The following FOXP1 variants were observed in gnomAD, a reference collection of about 807,000 sequenced individuals.
FOXP1 encodes the protein forkhead box protein P1.
In FOXP1, 15 loss-of-function variants were observed where a neutral mutation model predicts 98.2. That is an observed-to-expected ratio of 0.15 (90% CI 0.10 to 0.24). The LOEUF (loss-of-function observed/expected upper bound fraction) is 0.24. Among genes scored for constraint, FOXP1 ranks in the 10% least tolerant of loss-of-function variants. The probability of loss-of-function intolerance (pLI) is 1.00; values close to 1 mark genes in which losing one functional copy is unlikely to be tolerated. For missense variants in FOXP1, 633 were observed against 848.5 expected, an observed-to-expected ratio of 0.75 and a Z score of 3.15; for synonymous variants, 371 against 314.5, an observed-to-expected ratio of 1.18 and a Z score of -1.90.
At chr3:71,298,591 C>T (rs1035310869) in intron 5 of FOXP1, among the ~76,000 whole-genome samples, 2 of 152,322 alleles carry the variant, frequency 1.3e-5, no homozygotes, top group Admixed American at 6.5e-5. Context: ...GCCGAAACAT[C>T]TGAAACGTAT....
At chr3:71,304,656 A>AATTAGAT (rs1264446920) in intron 4 of FOXP1, 2 of 152,244 alleles carry the variant, frequency 1.3e-5, no homozygotes, top group Non-Finnish European at 2.9e-5. Flanking sequence ...CTTAAAAACC[A>AATTAGAT]AGTATAAAAG....
At chr3:71,235,156 C>T (rs1302106791) in intron 5 of FOXP1, among the ~76,000 whole-genome samples, 2 of 152,102 alleles carry the variant, frequency 1.3e-5, no homozygotes, top group Non-Finnish European at 2.9e-5. Flanking sequence ...AGCAAAGCGA[C>T]TGTAGATCTA....
At chr3:71,373,098 G>T (rs2079460342) in intron 3 of FOXP1, among the ~76,000 whole-genome samples, 1 of 152,174 alleles carries the variant, frequency 6.6e-6, no homozygotes, top group Admixed American at 6.5e-5. Context: ...AAAACCACTT[G>T]TAAGTATTCT....
Position 71,544,424 on chromosome 3 carries a change from G to A in FOXP1, c.-298+37125C>T, listed in dbSNP as rs147787626. Among the ~76,000 whole-genome samples the A allele has an allele frequency of 3.4e-3, 509 of 150,112 alleles. 3 individuals carry two copies. The highest frequency in any genetic ancestry group is 0.012 in the African/African-American group (484 of 41,166). On this transcript the variant is annotated intron_variant, in intron 2 of 20. Transcript: ENST00000649528. The stretch of plus-strand genomic sequence containing the variant: ...TTGGAACAAAAAAAAGGAAAAAGCA[G>A]GAAAGACTAGACAGACTCTGCTGAT...
At chr3:71,341,233 T>C (rs1019713271) in intron 4 of FOXP1, among the ~76,000 whole-genome samples, 6 of 152,112 alleles carry the variant, frequency 3.9e-5, no homozygotes, top group Non-Finnish European at 7.4e-5. Context: ...CCATAAAACA[T>C]GGCTCAGTAA....
At chr3:71,508,619 C>A (rs1202153040) in intron 2 of FOXP1, among the ~76,000 whole-genome samples, 2 of 152,198 alleles carry the variant, frequency 1.3e-5, no homozygotes, top group South Asian at 2.1e-4. Context: ...CGAGTGACAT[C>A]TTCACTCTAC....
intron 3 of FOXP1, among the ~76,000 whole-genome samples, chr3:71,384,579 G>T (rs2080427995): frequency 6.6e-6 from 1 of 152,204 alleles, no homozygotes; most frequent in Non-Finnish European, 1.5e-5. Context: ...AAAGCTCTCA[G>T]TAATGTGGCC....
chr3:71,258,200 C>A (rs529699806), intron 5 of FOXP1, among the ~76,000 whole-genome samples: 1 of 152,242 alleles, frequency 6.6e-6, no homozygotes, highest in East Asian at 1.9e-4. Flanking sequence ...AATACAAACA[C>A]ACACTTGTGG....
intron 3 of FOXP1, among the ~76,000 whole-genome samples, chr3:71,423,861 A>C (rs1156789401): frequency 6.6e-6 from 1 of 152,250 alleles, no homozygotes; most frequent in Non-Finnish European, 1.5e-5. Flanking sequence ...AGCTTGTCTT[A>C]GGTCACATGA....
Position 71,014,958 on chromosome 3 carries a change from A to G in FOXP1, c.974+591T>C, listed in dbSNP as rs556316680. 7.8e-5 allele frequency among the ~76,000 whole-genome samples: 11 copies of G among 140,962 alleles called. No homozygotes were observed. In the South Asian group the frequency reaches 2.6e-3, roughly 34 times the overall value. The allele number at this position is 140,962 out of a possible 152,430, so 92.5% of individuals were successfully genotyped here. Reference sequence around the variant, plus strand: ...TTGAACGATGAGAACACTTGGACACAGGGTGGGGAACATCACACATCAGGG... The same window carrying G: ...TTGAACGATGAGAACACTTGGACACGGGGTGGGGAACATCACACATCAGGG... On this transcript the variant is annotated intron_variant, in intron 12 of 20. Transcript: ENST00000649528.
In FOXP1 at chr3:71,164,949, C is replaced by T. The variant is rs73839405; in HGVS notation, c.180+33253G>A. Among the ~76,000 whole-genome samples, 1,047 of 152,300 alleles carry T rather than the reference C, an allele frequency of 6.9e-3. 14 individuals are homozygous for T. The highest frequency in any genetic ancestry group is 0.024 in the African/African-American group (1,004 of 41,554). On this transcript the variant is annotated intron_variant, in intron 6 of 20. Transcript: ENST00000649528. ...GTAGTTAAGATGACCAGAGTTACAA[C>T]TGTTATTTTCTTCCTTAAACCAATT... is the stretch of plus-strand genomic sequence containing the variant.
At chr3:71,195,692 GGCCTGCAGTTAT>G (rs1346238038) in intron 6 of FOXP1, among the ~76,000 whole-genome samples, 11 of 152,196 alleles carry the variant, frequency 7.2e-5, no homozygotes, top group Non-Finnish European at 7.3e-5. Flanking sequence ...ACTCAACTGT[GGCCTGCAGTTAT>G]TGAAATTTTA....
chr3:71,198,244 G>A lies in FOXP1; in HGVS notation c.138C>T (p.Ile46=), dbSNP rs775699123. 25 of 1,613,980 alleles carry A rather than the reference G, an allele frequency of 1.5e-5. No homozygotes were observed. The African/African-American group carries it at 2.0e-4, about 13-fold the overall frequency. Reference sequence around the variant, plus strand: ...GGGCGTGGGCGAGGTCAGCTGCCCCGATGTCCACGGCCGGCGTCTCTCCGT... The same window carrying A: ...GGGCGTGGGCGAGGTCAGCTGCCCCAATGTCCACGGCCGGCGTCTCTCCGT... ...RSNGETPAVD[I]GAADLAHAQQ... is the part of the protein sequence containing the mutation. The change falls in exon 6 of 21, where the codon ATC becomes ATT. Residue 46 remains isoleucine, a synonymous_variant. Coordinates refer to ENST00000649528, the MANE Select transcript of FOXP1 (RefSeq NM_001349338.3).
At chr3:71,025,373 G>A (rs1336488716) in intron 11 of FOXP1, among the ~76,000 whole-genome samples, 2 of 152,178 alleles carry the variant, frequency 1.3e-5, no homozygotes, top group East Asian at 1.9e-4. Context: ...AGCCCCCAGA[G>A]CTGCTGGGCC....
chr3:71,313,589 T>C (rs930949564), intron 4 of FOXP1, among the ~76,000 whole-genome samples: 1 of 149,962 alleles, frequency 6.7e-6, no homozygotes, highest in Non-Finnish European at 1.5e-5. Flanking sequence ...GCAGTGGCGC[T>C]ATCTCTGCTC....
At chr3:71,400,919 C>T (rs2081918695) in intron 3 of FOXP1, among the ~76,000 whole-genome samples, 1 of 152,132 alleles carries the variant, frequency 6.6e-6, no homozygotes, top group Non-Finnish European at 1.5e-5. Flanking sequence ...CAGGAGAACA[C>T]ATAAGGAGGA....
chr3:71,083,595 A>T (rs1453995414), intron 7 of FOXP1, among the ~76,000 whole-genome samples: 1 of 152,196 alleles, frequency 6.6e-6, no homozygotes, highest in Non-Finnish European at 1.5e-5. Context: ...TCTCTTTCTG[A>T]GGGGTTGCTA....
At chr3:71,021,754 T>C (rs2045477655) in intron 11 of FOXP1, among the ~76,000 whole-genome samples, 1 of 152,216 alleles carries the variant, frequency 6.6e-6, no homozygotes, top group African/African-American at 2.4e-5. Context: ...GTGCTTTTGA[T>C]TGAATTTCCC....
intron 5 of FOXP1, among the ~76,000 whole-genome samples, chr3:71,236,161 G>A (rs1384130404): frequency 1.3e-5 from 2 of 152,194 alleles, no homozygotes; most frequent in Admixed American, 1.3e-4. Flanking sequence ...TGGCATCCAG[G>A]TCACAAGCTG....
Sources: allele counts gnomAD v4.1 joint callset (sites outside exome capture counted in the v4.1 genomes callset), GRCh38; gene constraint gnomAD v4.1.1; transcripts MANE v1.5; gene names NCBI Gene and HGNC (gene_info 2026-07-23, HGNC 2026-07-21).